The following DOP1A variants were observed in gnomAD, a reference collection of about 807,000 sequenced individuals.
DOP1A encodes the protein DOP1 leucine zipper like protein A.
In DOP1A, 90 loss-of-function variants were observed where a neutral mutation model predicts 267.6. The ratio of observed to expected loss-of-function variants is 0.34; its 90% confidence interval spans 0.28 to 0.40. DOP1A has a LOEUF of 0.40. DOP1A is among the 10% of genes least tolerant of loss of function. The pLI, the probability that DOP1A is intolerant of heterozygous loss-of-function variation, is 1.00. For missense variants in DOP1A, 2,437 were observed against 2,900.4 expected (o/e 0.84, Z 3.67); for synonymous variants, 932 against 999.1 (o/e 0.93, Z 1.27).
intron 26 of DOP1A, among the ~76,000 whole-genome samples, chr6:83,148,350 G>A (rs1159828834): frequency 1.3e-5 from 2 of 152,038 alleles, no homozygotes; most frequent in Non-Finnish European, 2.9e-5. Flanking sequence ...GGAGGTGGAG[G>A]CTGCGGTGAG....
rs1161041616 is a variant in DOP1A at position 83,159,833 on chromosome 6, T to C, written c.6835T>C (p.Tyr2279His). The change falls in exon 37 of 39, where the codon TAC becomes CAC. Residue 2279 changes from tyrosine to histidine, a missense_variant. Transcript: ENST00000349129. The stretch of plus-strand genomic sequence containing the variant: ...CTCTGTGGCTGGTCTGGAGACAACG[T>C]ACACAGGAGGTAATGGCTTCTCTAC... Reference protein sequence around the residue: ...GPSVAGLETTYTGGNGFSTSY... With the variant: ...GPSVAGLETTHTGGNGFSTSY... 12 of 1,614,164 alleles carry C rather than the reference T, an allele frequency of 7.4e-6. No homozygotes were observed. The highest frequency in any genetic ancestry group is 1.0e-5 in the Non-Finnish European group (12 of 1,180,034).
chr6:83,153,980 A>C lies in DOP1A; in HGVS notation c.6326A>C (p.Lys2109Thr). ...GYQYTRRAWK[K>T]EAFDLFMDPS... ...CAGTACACACGGAGAGCTTGGAAAAAAGAAGCTTTTGACCTCTTTATGGAT... is the reference window on the plus strand; with the variant it reads ...CAGTACACACGGAGAGCTTGGAAAACAGAAGCTTTTGACCTCTTTATGGAT... The change falls in exon 32 of 39, where the codon AAA (lysine) becomes ACA (threonine). Residue 2109 changes from lysine to threonine, a missense_variant. By Grantham distance (78) the Lys-to-Thr change is moderately conservative. Transcript: ENST00000349129. The C allele has an allele frequency of 6.2e-7, 1 of 1,614,066 alleles. No individual in the cohort carries two copies. The highest frequency in any genetic ancestry group is 8.5e-7 in the Non-Finnish European group (1 of 1,179,996).
intron 4 of DOP1A, among the ~76,000 whole-genome samples, chr6:83,105,439 A>G (rs113024396): frequency 6.6e-5 from 8 of 121,498 alleles, no homozygotes; most frequent in African/African-American, 2.2e-4. Context: ...ATCTTGGCCC[A>G]CTGCAACCTC....
chr6:83,078,004 G>A lies in DOP1A; in HGVS notation c.-147+10225G>A, dbSNP rs1348894822. Reference sequence around the variant, plus strand: ...GAAAAAGATACTGATTTAAAAATTAGGTCAAAGGGGTTGAATCACTAGGTA... The same window carrying A: ...GAAAAAGATACTGATTTAAAAATTAAGTCAAAGGGGTTGAATCACTAGGTA... On this transcript the variant is annotated intron_variant, in intron 1 of 38. Transcript: ENST00000349129. 3.3e-5 allele frequency among the ~76,000 whole-genome samples: 5 copies of A among 152,124 alleles called. 1 individual carries two copies. The highest frequency in any genetic ancestry group is 7.3e-5 in the Non-Finnish European group (5 of 68,032).
At chr6:83,166,791 T>C in intron 38 of DOP1A, 1 of 1,046,110 alleles carries the variant, frequency 9.6e-7, no homozygotes, top group Non-Finnish European at 1.1e-6. Context: ...AGGAAACTAG[T>C]GATATTAAAT....
Position 83,110,251 on chromosome 6 carries a change from T to C in DOP1A, c.618T>C (p.His206=), listed in dbSNP as rs1170833483. ...CTGGAATCACGTATGTTCTTGCCCA[T>C]TTAAACAGGAAGCTTTCTATGGAAG... The part of the protein sequence containing the change: ...RLPGITYVLA[H]LNRKLSMEDQ... Residue 206 remains histidine, a synonymous_variant, in exon 6 of 39, where the codon CAT becomes CAC. Coordinates refer to ENST00000349129, the MANE Select transcript of DOP1A (RefSeq NM_015018.4). 6.2e-7 allele frequency: 1 copy of C among 1,613,930 alleles called. No homozygotes were observed. The highest frequency in any genetic ancestry group is 2.2e-5 in the East Asian group (1 of 44,880).
intron 4 of DOP1A, among the ~76,000 whole-genome samples, chr6:83,107,825 G>T (rs1446102964): frequency 6.6e-6 from 1 of 152,188 alleles, no homozygotes. Context: ...ACTAAAAAGA[G>T]CATAGAAAGT....
In DOP1A at chr6:83,139,989, T is replaced by C; in HGVS notation, c.5121-11T>C. 6.3e-7 allele frequency: 1 copy of C among 1,591,974 alleles called. No homozygotes were observed. On this transcript the variant is annotated splice_polypyrimidine_tract_variant and intron_variant, in intron 21 of 38. Coordinates refer to ENST00000349129, the MANE Select transcript of DOP1A (RefSeq NM_015018.4). Reference sequence around the variant, plus strand: ...TAAAACTTGTGTTTAAATGAATGCATTTTACTTCAGGCCTCTGTGGATGGC... The same window carrying C: ...TAAAACTTGTGTTTAAATGAATGCACTTTACTTCAGGCCTCTGTGGATGGC...
intron 33 of DOP1A, 39 bp downstream of exon 33, chr6:83,154,280 A>G (rs1292940787): frequency 7.7e-6 from 12 of 1,566,018 alleles, no homozygotes; most frequent in Non-Finnish European, 9.7e-6. Context: ...TCTTTCCTGT[A>G]CATGGTTCCT....
chr6:83,083,420 T>TAA (rs560759261), intron 1 of DOP1A, among the ~76,000 whole-genome samples: 2,638 of 139,416 alleles, frequency 0.019, 47 homozygotes, highest in Admixed American at 0.063. Flanking sequence ...ACTTGTGGTT[T>TAA]AAAAAAAAAA....
At chr6:83,160,029 G>T in intron 37 of DOP1A, 69 bp downstream of exon 37, 1 of 1,484,028 alleles carries the variant, frequency 6.7e-7, no homozygotes, top group South Asian at 1.2e-5. Context: ...TGACATCTAT[G>T]ACTAATTAAA....
intron 1 of DOP1A, among the ~76,000 whole-genome samples, chr6:83,081,721 C>T (rs1463709653): frequency 6.6e-6 from 1 of 152,068 alleles, no homozygotes; most frequent in East Asian, 1.9e-4. Flanking sequence ...TTCTGCACAG[C>T]AAAGGAAACA....
At chr6:83,109,206 T>TTTCTATAGCAATATAGAATATTG in intron 5 of DOP1A, 126 bp downstream of exon 5, 1 of 771,776 alleles carries the variant, frequency 1.3e-6, no homozygotes. Context: ...CACATGAATA[T>TTTCTATAGCAATATAGAATATTG]TTCTATAGCA....
intron 1 of DOP1A, among the ~76,000 whole-genome samples, chr6:83,086,117 C>A (rs1421979625): frequency 6.6e-6 from 1 of 152,050 alleles, no homozygotes; most frequent in African/African-American, 2.4e-5. Context: ...CCTGATTGAA[C>A]CTTGAAGTAA....
intron 9 of DOP1A, among the ~76,000 whole-genome samples, chr6:83,120,228 T>C (rs1284165891): frequency 1.3e-5 from 2 of 151,932 alleles, no homozygotes; most frequent in African/African-American, 4.8e-5. Context: ...TCAATTATAT[T>C]TATTTAAGAT....
chr6:83,081,048 G>A (rs1767987456), intron 1 of DOP1A, among the ~76,000 whole-genome samples: 1 of 152,134 alleles, frequency 6.6e-6, no homozygotes, highest in South Asian at 2.1e-4. Flanking sequence ...ACTGGCATAA[G>A]AACAGACAGA....
At chr6:83,117,117 C>A (rs908904675) in intron 7 of DOP1A, among the ~76,000 whole-genome samples, 20 of 104,720 alleles carry the variant, frequency 1.9e-4, no homozygotes. Flanking sequence ...AATTTTAGTA[C>A]TTTTTTATTT....
chr6:83,120,952 T>A (rs938162237), intron 10 of DOP1A, among the ~76,000 whole-genome samples, 161 bp downstream of exon 10: 22 of 151,944 alleles, frequency 1.4e-4, no homozygotes, highest in Non-Finnish European at 3.2e-4. Flanking sequence ...AAGATACAGG[T>A]ATTCATCCAC....
At chr6:83,093,040 GT>G (rs1482606216) in intron 1 of DOP1A, among the ~76,000 whole-genome samples, 1 of 152,142 alleles carries the variant, frequency 6.6e-6, no homozygotes, top group African/African-American at 2.4e-5. Flanking sequence ...GTATGACTGT[GT>G]TTTCCTCCCC....
Sources: allele counts gnomAD v4.1 joint callset (sites outside exome capture counted in the v4.1 genomes callset), GRCh38; gene constraint gnomAD v4.1.1; transcripts MANE v1.5; gene names NCBI Gene and HGNC (gene_info 2026-07-23, HGNC 2026-07-21).